Variants in PDE4D observed in about 807,000 individuals in gnomAD.
The protein encoded by PDE4D is 3',5'-cyclic-AMP phosphodiesterase 4D.
A neutral mutation model predicts 87.4 loss-of-function variants in PDE4D; 24 were observed. The ratio of observed to expected loss-of-function variants is 0.27; its 90% CI spans 0.20 to 0.39. The LOEUF (loss-of-function observed/expected upper bound fraction) is 0.39, where lower values mean the gene tolerates loss of function less well. PDE4D is among the 10% of genes least tolerant of loss of function. The probability of loss-of-function intolerance (pLI) is 1.00; values close to 1 mark genes in which losing one functional copy is unlikely to be tolerated. For synonymous variants in PDE4D, 384 were observed against 383.2 expected (o/e 1.00, Z -0.02); for missense variants, 714 against 1,041.0 (o/e 0.69, Z 4.32).
At chr5:60,134,558 G>A (rs760846542) in intron 2 of PDE4D, among the ~76,000 whole-genome samples, 10 of 152,146 alleles carry the variant, frequency 6.6e-5, no homozygotes, top group Non-Finnish European at 1.0e-4. Context: ...CACAGTATTC[G>A]TGGGAGATTA....
chr5:58,980,241 TATA>T (rs1744789174), intron 11 of PDE4D, among the ~76,000 whole-genome samples: 1 of 152,180 alleles, frequency 6.6e-6, no homozygotes, highest in African/African-American at 2.4e-5. Flanking sequence ...GACATACTCA[TATA>T]ATCCTGTACA....
rs147047873 is a variant in PDE4D at position 59,241,404 on chromosome 5, G to GA, written c.456-25437dup. On this transcript the variant is annotated intron_variant, in intron 1 of 14. Transcript: ENST00000340635. ...TCATGGATGCTCTCTACACTTGACT[G>GA]AAAAAGAAAACAGCTTCTTGGCTGT... is the stretch of plus-strand genomic sequence containing the variant. 1.8e-3 allele frequency among the ~76,000 whole-genome samples: 272 copies of GA among 152,316 alleles called. 3 individuals carry two copies. Among genetic ancestry groups the GA allele is most frequent in the African/African-American group, 5.9e-3 (247 of 41,588 alleles).
rs116142025 is a variant in PDE4D, at chr5:59,098,929, G to A, written c.809-59958C>T. On this transcript the variant is annotated intron_variant, in intron 5 of 14. Coordinates refer to ENST00000340635, the MANE Select transcript of PDE4D (RefSeq NM_001104631.2). ...AGCACCAAATCACTACTACACAAAC[G>A]GGAGGAGGAGTAAAAGTGAGTGCTT... Among the ~76,000 whole-genome samples, 360 of 152,140 alleles carry A rather than the reference G, an allele frequency of 2.4e-3. 1 individual carries two copies. The highest frequency in any genetic ancestry group is 8.4e-3 in the African/African-American group (350 of 41,478).
chr5:59,926,449 C>T (rs1755294031), intron 3 of PDE4D, among the ~76,000 whole-genome samples: 1 of 151,792 alleles, frequency 6.6e-6, no homozygotes, highest in Non-Finnish European at 1.5e-5. Flanking sequence ...CCTGAAAGAA[C>T]TAGAAAAGCA....
chr5:59,945,139 G>T (rs531305754), intron 3 of PDE4D, among the ~76,000 whole-genome samples: 1 of 152,146 alleles, frequency 6.6e-6, no homozygotes, highest in Non-Finnish European at 1.5e-5. Flanking sequence ...TTTTGAAAGT[G>T]CATAAAAGTA....
At chr5:59,114,901 A>G (rs1294271764) in intron 5 of PDE4D, among the ~76,000 whole-genome samples, 1 of 146,612 alleles carries the variant, frequency 6.8e-6, no homozygotes, top group Non-Finnish European at 1.5e-5. Context: ...AAGAAAAAGA[A>G]AATGATAAGT....
intron 1 of PDE4D, among the ~76,000 whole-genome samples, chr5:59,585,397 A>G (rs1402050060): frequency 6.6e-6 from 1 of 152,226 alleles, no homozygotes; most frequent in East Asian, 1.9e-4. Flanking sequence ...TTATTCATCC[A>G]GAGTCCAGCC....
intron 11 of PDE4D, among the ~76,000 whole-genome samples, chr5:58,979,695 A>G (rs1409782589): frequency 6.6e-6 from 1 of 152,186 alleles, no homozygotes; most frequent in Non-Finnish European, 1.5e-5. Context: ...CTTCAAGCCC[A>G]ATATAAGTTA....
chr5:60,026,458 C>T (rs1481155379), intron 2 of PDE4D, among the ~76,000 whole-genome samples: 1 of 152,078 alleles, frequency 6.6e-6, no homozygotes, highest in Non-Finnish European at 1.5e-5. Context: ...AAAGTGCTCA[C>T]ATGTACTTAA....
At chr5:60,374,499 C>T (rs1761280742) in intron 1 of PDE4D, among the ~76,000 whole-genome samples, 1 of 152,170 alleles carries the variant, frequency 6.6e-6, no homozygotes, top group Non-Finnish European at 1.5e-5. Context: ...ATAATTCGGT[C>T]TGAGAGTAAT....
chr5:59,790,640 C>A (rs947430931), intron 1 of PDE4D, among the ~76,000 whole-genome samples: 32 of 152,096 alleles, frequency 2.1e-4, no homozygotes, highest in Non-Finnish European at 4.4e-4. Context: ...TTTTCTTTCT[C>A]TTTCCCCTTC....
intron 1 of PDE4D, among the ~76,000 whole-genome samples, chr5:59,357,629 C>T (rs1363110372): frequency 6.6e-6 from 1 of 152,156 alleles, no homozygotes; most frequent in African/African-American, 2.4e-5. Flanking sequence ...ATTTTCTATT[C>T]CCTAGAAACA....
chr5:60,406,497 C>T (rs1374429118), intron 1 of PDE4D, among the ~76,000 whole-genome samples: 1 of 152,150 alleles, frequency 6.6e-6, no homozygotes, highest in Non-Finnish European at 1.5e-5. Context: ...ACTGTCTACT[C>T]TGATGGCAAA....
intron 2 of PDE4D, among the ~76,000 whole-genome samples, chr5:60,052,077 CCAGA>C (rs1222650938): frequency 6.6e-6 from 1 of 152,126 alleles, no homozygotes; most frequent in Non-Finnish European, 1.5e-5. Flanking sequence ...AGGCCCAGGA[CCAGA>C]CAGATTCACA....
At chr5:59,277,983 C>A (rs924505596) in intron 1 of PDE4D, among the ~76,000 whole-genome samples, 1 of 152,080 alleles carries the variant, frequency 6.6e-6, no homozygotes, top group Non-Finnish European at 1.5e-5. Context: ...GGGAATCTGA[C>A]AATGTATGGA....
intron 6 of PDE4D, among the ~76,000 whole-genome samples, chr5:59,036,730 T>C (rs1283301865): frequency 6.6e-6 from 1 of 152,218 alleles, no homozygotes; most frequent in Admixed American, 6.5e-5. Flanking sequence ...CACGAATGGC[T>C]TGGACATTAA....
intron 5 of PDE4D, among the ~76,000 whole-genome samples, chr5:59,082,395 A>C (rs1193084135): frequency 1.3e-5 from 2 of 152,190 alleles, no homozygotes; most frequent in Non-Finnish European, 2.9e-5. Flanking sequence ...TTTTTAAGAG[A>C]GAAGGAAATC....
intron 2 of PDE4D, among the ~76,000 whole-genome samples, chr5:60,160,465 C>T (rs568416142): frequency 2.6e-5 from 4 of 152,094 alleles, no homozygotes; most frequent in African/African-American, 9.6e-5. Context: ...ATTGCAGGAA[C>T]TTTTAACTAT....
At chr5:59,798,880 C>T (rs1248195416) in intron 1 of PDE4D, among the ~76,000 whole-genome samples, 2 of 152,168 alleles carry the variant, frequency 1.3e-5, no homozygotes, top group East Asian at 1.9e-4. Context: ...ATGACAGCTA[C>T]TGTGAGAGAA....
Sources: gnomAD v4.1 joint callset for allele counts (sites outside exome capture counted in the v4.1 genomes callset) on GRCh38, gnomAD v4.1.1 for gene constraint, MANE v1.5 for transcripts, NCBI Gene and HGNC (gene_info 2026-07-23, HGNC 2026-07-21) for gene names.